The following MERTK variants were observed in gnomAD, a reference collection of about 807,000 sequenced individuals.
MERTK encodes the protein MER proto-oncogene, tyrosine kinase, also known as tyrosine-protein kinase Mer.
In MERTK, 69 loss-of-function variants were observed where a neutral mutation model predicts 99.3. The ratio of observed to expected loss-of-function variants is 0.70; its 90% confidence interval spans 0.57 to 0.85. MERTK has a LOEUF of 0.85. Ranked by LOEUF, MERTK falls within the 40% of genes least tolerant of loss-of-function variation. MERTK has a pLI of 0.00. For missense variants in MERTK, 1,125 were observed against 1,249.4 expected, an observed-to-expected ratio of 0.90 and a Z score of 1.50; for synonymous variants, 426 against 467.6, an observed-to-expected ratio of 0.91 and a Z score of 1.15.
chr2:111,931,164 A>G (rs1375723886), intron 2 of MERTK, among the ~76,000 whole-genome samples: 1 of 152,060 alleles, frequency 6.6e-6, no homozygotes, highest in Non-Finnish European at 1.5e-5. Context: ...CTAACTACTC[A>G]GGTTAGTGTG....
intron 4 of MERTK, among the ~76,000 whole-genome samples, chr2:111,961,899 C>T (rs544331473): frequency 1.3e-5 from 2 of 152,202 alleles, no homozygotes; most frequent in African/African-American, 2.4e-5. Context: ...TGCAGACATC[C>T]GACCAGGAAC....
intron 1 of MERTK, among the ~76,000 whole-genome samples, chr2:111,909,420 T>C (rs1208665552): frequency 1.3e-5 from 2 of 152,210 alleles, no homozygotes; most frequent in African/African-American, 4.8e-5. Context: ...AAACAAGTTT[T>C]ACTGGGGATC....
chr2:111,968,227 C>G lies in MERTK; in HGVS notation c.935C>G (p.Ser312Cys). 6.2e-7 allele frequency: 1 copy of G among 1,613,782 alleles called. No individual in the cohort carries two copies. Among genetic ancestry groups the G allele is most frequent in the Non-Finnish European group, 8.5e-7 (1 of 1,179,784 alleles). ...ISWVPGFDGY[S>C]PFRNCSIQVK... is the part of the protein sequence containing the mutation. The stretch of plus-strand genomic sequence containing the variant: ...TGGGTTCCTGGTTTTGATGGATACT[C>G]CCCGTTCAGGAATTGCAGCATTCAG... The change falls in exon 6 of 19, where the codon TCC becomes TGC. Residue 312 changes from serine (S) to cysteine (C), a missense_variant. Coordinates refer to ENST00000295408, the MANE Select transcript of MERTK (RefSeq NM_006343.3).
chr2:112,003,933 C>T lies in MERTK; in HGVS notation c.1816C>T (p.Leu606Phe). Residue 606 changes from leucine to phenylalanine, a missense_variant, in exon 13 of 19, where the codon CTT becomes TTT. Coordinates refer to ENST00000295408, the MANE Select transcript of MERTK (RefSeq NM_006343.3). ...GEFGSVMEGN[L>F]KQEDGTSLKV... ...GTTTGGGTCTGTAATGGAAGGAAAT[C>T]TTAAGCAGGAAGATGGGACCTCTCT... 6.2e-7 allele frequency: 1 copy of T among 1,613,800 alleles called. No homozygotes were observed. Among genetic ancestry groups the T allele is most frequent in the East Asian group, 2.2e-5 (1 of 44,882 alleles).
chr2:111,913,775 C>G (rs112466769), intron 1 of MERTK, among the ~76,000 whole-genome samples: 5,067 of 152,292 alleles, frequency 0.033, 124 homozygotes, highest in Middle Eastern at 0.089. Context: ...TGTTGAACTC[C>G]TGACTTCAGG....
At chr2:111,934,458 T>G (rs1263506294) in intron 2 of MERTK, among the ~76,000 whole-genome samples, 1 of 152,236 alleles carries the variant, frequency 6.6e-6, no homozygotes, top group African/African-American at 2.4e-5. Flanking sequence ...TTGATTTACA[T>G]TTCTCCAATG....
chr2:111,912,609 T>G (rs1186411343), intron 1 of MERTK, among the ~76,000 whole-genome samples: 2 of 152,100 alleles, frequency 1.3e-5, no homozygotes. Flanking sequence ...GCACATCTTA[T>G]AGGCAGGTTA....
intron 4 of MERTK, among the ~76,000 whole-genome samples, chr2:111,958,716 T>G (rs1685193163): frequency 1.3e-5 from 2 of 152,192 alleles, no homozygotes; most frequent in Non-Finnish European, 2.9e-5. Context: ...ACTGTCCATT[T>G]GACCTGAAGT....
At chr2:111,927,557 A>T (rs1002616713) in intron 1 of MERTK, among the ~76,000 whole-genome samples, 1 of 152,190 alleles carries the variant, frequency 6.6e-6, no homozygotes. Flanking sequence ...CTATAGTACA[A>T]CCTACTCGGG....
rs1684980525 is a variant in MERTK at position 111,947,468 on chromosome 2, G to T, written c.658G>T (p.Ala220Ser). The part of the protein sequence containing the change: ...RNTAFNLTCQ[A>S]VGPPEPVNIF... Reference sequence around the variant, plus strand: ...CACAGCCTTCAACCTCACCTGTCAGGCTGTGGGCCCGCCTGAGCCCGTCAA... The same window carrying T: ...CACAGCCTTCAACCTCACCTGTCAGTCTGTGGGCCCGCCTGAGCCCGTCAA... The change falls in exon 4 of 19, where the codon GCT becomes TCT. Residue 220 changes from alanine (A) to serine (S), a missense_variant. Physicochemically the swap from Ala to Ser is moderately conservative, Grantham distance 99. Coordinates refer to ENST00000295408, the MANE Select transcript of MERTK (RefSeq NM_006343.3). The T allele has an allele frequency of 1.9e-6, 3 of 1,614,158 alleles. No individual in the cohort carries two copies. The highest frequency in any genetic ancestry group is 2.2e-5 in the South Asian group (2 of 91,078).
intron 1 of MERTK, among the ~76,000 whole-genome samples, chr2:111,910,461 G>T (rs1435025406): frequency 6.6e-6 from 1 of 151,750 alleles, no homozygotes; most frequent in Non-Finnish European, 1.5e-5. Flanking sequence ...TTTGAGATGG[G>T]GTTTCACCAT....
intron 6 of MERTK, among the ~76,000 whole-genome samples, chr2:111,973,536 A>G (rs1163923666): frequency 1.3e-5 from 2 of 152,144 alleles, no homozygotes; most frequent in African/African-American, 4.8e-5. Context: ...TTGACCTAAG[A>G]TTCAAGCACA....
intron 2 of MERTK, among the ~76,000 whole-genome samples, chr2:111,932,542 A>T (rs1374300014): frequency 6.6e-6 from 1 of 152,232 alleles, no homozygotes; most frequent in East Asian, 1.9e-4. Flanking sequence ...CCTGTATATG[A>T]TTCTTCAACT....
rs371956016 is a variant in MERTK, at chr2:112,019,523, G to T, written c.2189+1G>T. The T allele has an allele frequency of 2.6e-5, 41 of 1,603,098 alleles. No individual in the cohort carries two copies. The highest frequency in any genetic ancestry group is 3.2e-5 in the Non-Finnish European group (38 of 1,169,978). ...GAGATTTAGCTGCTCGAAACTGCAT[G>T]TAAGAGTCCTCGGCTATCCTGGAAG... is the stretch of plus-strand genomic sequence containing the variant. On this transcript the variant is annotated splice_donor_variant, in intron 16 of 18. Coordinates refer to ENST00000295408, the MANE Select transcript of MERTK (RefSeq NM_006343.3). LOFTEE classifies it high-confidence loss of function.
At chr2:111,994,742 G>A in intron 9 of MERTK, 1 of 358,324 alleles carries the variant, frequency 2.8e-6, no homozygotes, top group Non-Finnish European at 5.4e-6. Flanking sequence ...TCACACCACT[G>A]TACTCTAGCT....
At chr2:112,001,714 T>TG (rs1676873514) in intron 11 of MERTK, among the ~76,000 whole-genome samples, 1 of 152,088 alleles carries the variant, frequency 6.6e-6, no homozygotes, top group Non-Finnish European at 1.5e-5. Flanking sequence ...AATCAGAGAG[T>TG]GGGGGCTTCT....
intron 2 of MERTK, among the ~76,000 whole-genome samples, chr2:111,936,785 T>G (rs1334390162): frequency 1.3e-5 from 2 of 152,132 alleles, no homozygotes; most frequent in African/African-American, 4.8e-5. Context: ...TATCCGTTTG[T>G]CCAGGTTCCA....
At chr2:111,925,292 A>ATATATATATATATTT (rs372747015) in intron 1 of MERTK, among the ~76,000 whole-genome samples, 5 of 24,488 alleles carry the variant, frequency 2.0e-4, no homozygotes, top group African/African-American at 2.9e-4. Context: ...ATATATATAT[A>ATATATATATATATTT]TTTTTTTTTT....
At position 111,968,147 on chromosome 2, in the gene MERTK, C is replaced by G. The variant is rs761363381; in HGVS notation, c.855C>G (p.Ser285=). ...TTTTGTTTTATGCAGCAATTCCCTC[C>G]CCACCAACTGAAGTCAGCATCCGTA... ...GVQINIKAIP[S]PPTEVSIRNS... The change falls in exon 6 of 19, where the codon TCC becomes TCG. Residue 285 remains serine (S), a synonymous_variant. Coordinates refer to ENST00000295408, the MANE Select transcript of MERTK (RefSeq NM_006343.3). 1.9e-6 allele frequency: 3 copies of G among 1,613,010 alleles called. No individual in the cohort carries two copies. In the African/African-American group the frequency reaches 4.0e-5, roughly 22 times the overall value.
Sources: gnomAD v4.1 joint callset for allele counts (sites outside exome capture counted in the v4.1 genomes callset) on GRCh38, gnomAD v4.1.1 for gene constraint, MANE v1.5 for transcripts, NCBI Gene and HGNC (gene_info 2026-07-23, HGNC 2026-07-21) for gene names.